Variants in CACNA2D1 observed in about 807,000 individuals in gnomAD.
The protein encoded by CACNA2D1 is calcium voltage-gated channel auxiliary subunit alpha2delta 1.
CACNA2D1 carries 53 observed loss-of-function variants against 171.5 expected under a neutral mutation model. The observed-to-expected ratio is 0.31, with a 90% CI of 0.25 to 0.39. The LOEUF is 0.39. CACNA2D1 is among the 10% of genes least tolerant of loss of function. CACNA2D1 has a pLI of 1.00. For missense variants in CACNA2D1, 903 were observed against 1,299.8 expected (o/e 0.69, Z 4.69); for synonymous variants, 442 against 443.1 (o/e 1.00, Z 0.03).
chr7:81,950,566 A>C (rs1792403446), intron 38 of CACNA2D1, 58 bp from the exon 39 acceptor site: 11 of 1,544,338 alleles, frequency 7.1e-6, no homozygotes, highest in Non-Finnish European at 8.7e-6. Flanking sequence ...ATCTTGAAAA[A>C]TATTTAGTAA....
intron 13 of CACNA2D1, among the ~76,000 whole-genome samples, chr7:82,014,155 T>C (rs959819723): frequency 1.5e-4 from 23 of 152,278 alleles, no homozygotes; most frequent in African/African-American, 5.1e-4. Flanking sequence ...TCATTCAGTA[T>C]AATTCAGTGT....
intron 1 of CACNA2D1, among the ~76,000 whole-genome samples, chr7:82,400,805 A>G (rs545344877): frequency 2.0e-5 from 3 of 151,072 alleles, no homozygotes; most frequent in East Asian, 2.0e-4. Context: ...CAACCTACTC[A>G]TCTGACAAAG....
At chr7:82,287,991 C>G (rs1277534325) in intron 3 of CACNA2D1, among the ~76,000 whole-genome samples, 1 of 124,978 alleles carries the variant, frequency 8.0e-6, no homozygotes, top group Non-Finnish European at 1.6e-5. Context: ...CCACCATGCC[C>G]GGCTAATTTT....
chr7:81,989,910 T>C (rs1797357536), intron 21 of CACNA2D1, among the ~76,000 whole-genome samples: 1 of 152,182 alleles, frequency 6.6e-6, no homozygotes, highest in South Asian at 2.1e-4. Flanking sequence ...TTTCATGTCT[T>C]GAGTCAAGGA....
At chr7:82,309,717 A>C (rs1474803595) in intron 3 of CACNA2D1, among the ~76,000 whole-genome samples, 1 of 152,150 alleles carries the variant, frequency 6.6e-6, no homozygotes, top group Non-Finnish European at 1.5e-5. Flanking sequence ...ACCTGGAAAC[A>C]CATGTGTGTC....
intron 6 of CACNA2D1, among the ~76,000 whole-genome samples, chr7:82,107,696 G>A (rs1355208260): frequency 6.7e-6 from 1 of 149,768 alleles, no homozygotes; most frequent in Non-Finnish European, 1.5e-5. Flanking sequence ...CCATTCTCCT[G>A]CCTCAGCCTC....
chr7:82,117,139 CT>C lies in CACNA2D1; in HGVS notation c.430del (p.Arg144GlyfsTer2). The C allele has an allele frequency of 2.5e-6, 4 of 1,613,774 alleles. No individual in the cohort carries two copies. Among genetic ancestry groups the C allele is most frequent in the Non-Finnish European group, 3.4e-6 (4 of 1,179,834 alleles). ...EKNDSEPGSQRIKPVFIEDAN... is the reference protein window; with the variant it reads ...EKNDSEPGSQXIKPVFIEDAN... ...ATCTTCAATGAAAACAGGTTTTATC[CT>C]CTGGCTGCCTGGCTCACTGTCATTT... On this transcript the variant is annotated frameshift_variant, in exon 6 of 39. Transcript: ENST00000356860. LOFTEE classifies it high-confidence loss of function.
At chr7:82,245,511 A>G (rs1804798915) in intron 3 of CACNA2D1, among the ~76,000 whole-genome samples, 2 of 152,322 alleles carry the variant, frequency 1.3e-5, no homozygotes, top group East Asian at 1.9e-4. Context: ...TAAACACAGC[A>G]TATGATAAAA....
chr7:82,005,646 C>A, intron 17 of CACNA2D1, 119 bp downstream of exon 17: 1 of 887,786 alleles, frequency 1.1e-6, no homozygotes, highest in Non-Finnish European at 1.9e-6. Context: ...TGCTTTTAAC[C>A]ATTTAGTTCC....
chr7:82,100,635 A>C (rs1318714453), intron 6 of CACNA2D1, among the ~76,000 whole-genome samples: 2 of 152,310 alleles, frequency 1.3e-5, no homozygotes, highest in Non-Finnish European at 2.9e-5. Flanking sequence ...GAATCAATGC[A>C]CAGCTTGCTG....
intron 3 of CACNA2D1, among the ~76,000 whole-genome samples, chr7:82,329,347 AC>A (rs1254614348): frequency 6.6e-6 from 1 of 152,164 alleles, no homozygotes; most frequent in African/African-American, 2.4e-5. Flanking sequence ...TACCAGGACA[AC>A]CAGAGGGAGA....
In CACNA2D1 at chr7:82,349,550, T is replaced by G. The variant is rs1368290656; in HGVS notation, c.177+18A>C. ...TTAATGAAAAGATTAAGAAATCTCT[T>G]TGGTGGATTTTACTCACATCAACAA... On this transcript the variant is annotated intron_variant, in intron 2 of 38. Coordinates refer to ENST00000356860, the MANE Select transcript of CACNA2D1 (RefSeq NM_000722.4). 2 of 1,593,774 alleles carry G rather than the reference T, an allele frequency of 1.3e-6. No homozygotes were observed. The highest frequency in any genetic ancestry group is 3.3e-5 in the Admixed American group (2 of 59,996).
chr7:82,388,072 A>C lies in CACNA2D1; in HGVS notation c.96-38423T>G, dbSNP rs556418146. Among the ~76,000 whole-genome samples the C allele has an allele frequency of 6.9e-4, 101 of 146,694 alleles. No homozygotes were observed. The East Asian group carries it at 9.9e-3, about 14-fold the overall frequency. On this transcript the variant is annotated intron_variant, in intron 1 of 38. Coordinates refer to ENST00000356860, the MANE Select transcript of CACNA2D1 (RefSeq NM_000722.4). ...GTGAGACCCTGTCTCCAAAAAAAAA[A>C]AAAAACAAAAACAAAAACAAACAAC... is the stretch of plus-strand genomic sequence containing the variant.
intron 4 of CACNA2D1, among the ~76,000 whole-genome samples, chr7:82,162,044 G>A (rs1368840277): frequency 3.3e-5 from 5 of 152,014 alleles, no homozygotes; most frequent in African/African-American, 1.2e-4. Flanking sequence ...AGTAAGTGGT[G>A]CACTAAAATG....
chr7:82,005,364 A>G, intron 18 of CACNA2D1, 59 bp downstream of exon 18: 1 of 1,028,194 alleles, frequency 9.7e-7, no homozygotes, highest in Non-Finnish European at 1.5e-6. Flanking sequence ...AATCCTATTA[A>G]GAACATTAAT....
At chr7:82,072,982 T>C (rs1808510198) in intron 7 of CACNA2D1, among the ~76,000 whole-genome samples, 1 of 152,172 alleles carries the variant, frequency 6.6e-6, no homozygotes, top group African/African-American at 2.4e-5. Context: ...TTATAAGATA[T>C]GCTTAGATGT....
At chr7:82,197,551 G>A (rs1355917919) in intron 3 of CACNA2D1, among the ~76,000 whole-genome samples, 1 of 151,964 alleles carries the variant, frequency 6.6e-6, no homozygotes, top group East Asian at 1.9e-4. Context: ...TTGTTGTATG[G>A]TAGAAATCAC....
At chr7:82,192,757 T>G (rs1229339948) in intron 3 of CACNA2D1, among the ~76,000 whole-genome samples, 1 of 151,232 alleles carries the variant, frequency 6.6e-6, no homozygotes, top group Non-Finnish European at 1.5e-5. Context: ...TCCTTTTTTT[T>G]TTTTTCCTGA....
At chr7:82,079,059 C>A (rs903070610) in intron 7 of CACNA2D1, among the ~76,000 whole-genome samples, 15 of 152,182 alleles carry the variant, frequency 9.9e-5, no homozygotes, top group Non-Finnish European at 7.4e-5. Context: ...AATTACGGAA[C>A]TACTGTTTTG....
Sources: gnomAD v4.1 joint callset for allele counts (sites outside exome capture counted in the v4.1 genomes callset) on GRCh38, gnomAD v4.1.1 for gene constraint, MANE v1.5 for transcripts, NCBI Gene and HGNC (gene_info 2026-07-23, HGNC 2026-07-21) for gene names.